The following CSMD3 variants were observed in gnomAD, a reference collection of about 807,000 sequenced individuals.
CSMD3 encodes CUB and Sushi multiple domains 3, also known as CUB and sushi domain-containing protein 3.
In CSMD3, 177 loss-of-function variants were observed where a neutral mutation model predicts 435.2. The ratio of observed to expected loss-of-function variants is 0.41; its 90% CI spans 0.36 to 0.46. CSMD3 has a LOEUF of 0.46. Among genes scored for constraint, CSMD3 ranks in the 20% least tolerant of loss-of-function variants. The pLI is 0.34. For missense variants in CSMD3, 4,265 were observed against 4,504.6 expected, an observed-to-expected ratio of 0.95 and a Z score of 1.52; for synonymous variants, 1,656 against 1,520.5, an observed-to-expected ratio of 1.09 and a Z score of -2.07.
At chr8:112,536,149 A>G (rs1269925909) in intron 27 of CSMD3, among the ~76,000 whole-genome samples, 2 of 152,140 alleles carry the variant, frequency 1.3e-5, no homozygotes, top group African/African-American at 4.8e-5. Context: ...AAGCAATGGC[A>G]ACAAAAGCCA....
intron 9 of CSMD3, among the ~76,000 whole-genome samples, chr8:112,931,149 T>C (rs1049387804): frequency 6.6e-6 from 1 of 151,872 alleles, no homozygotes; most frequent in African/African-American, 2.4e-5. Context: ...CCTTAAATAC[T>C]TCATCATTTT....
At chr8:112,688,624 T>C (rs1236448335) in intron 14 of CSMD3, among the ~76,000 whole-genome samples, 1 of 152,112 alleles carries the variant, frequency 6.6e-6, no homozygotes, top group Non-Finnish European at 1.5e-5. Flanking sequence ...TAATTTTTTG[T>C]ATGAGTTATT....
At chr8:112,547,011 A>G (rs1827242362) in intron 27 of CSMD3, among the ~76,000 whole-genome samples, 1 of 152,116 alleles carries the variant, frequency 6.6e-6, no homozygotes, top group Admixed American at 6.6e-5. Context: ...CTGATTTATT[A>G]TTTTTAATTA....
intron 50 of CSMD3, 84 bp from the exon 51 acceptor site, chr8:112,306,276 G>T: frequency 1.0e-6 from 1 of 974,998 alleles, no homozygotes; most frequent in Non-Finnish European, 1.6e-6. Context: ...TGTAAAACAT[G>T]CAAAACTAAC....
chr8:113,326,750 T>C (rs2093986748), intron 1 of CSMD3, among the ~76,000 whole-genome samples: 1 of 152,194 alleles, frequency 6.6e-6, no homozygotes, highest in African/African-American at 2.4e-5. Flanking sequence ...TTTATTTTCT[T>C]ATTTTCACAC....
intron 1 of CSMD3, among the ~76,000 whole-genome samples, chr8:113,345,431 A>G (rs866428944): frequency 1.6e-4 from 25 of 152,154 alleles, no homozygotes; most frequent in Admixed American, 1.5e-3. Flanking sequence ...ACTTAATATG[A>G]CTGTACATGC....
At chr8:113,317,815 T>C (rs2093921177) in intron 1 of CSMD3, among the ~76,000 whole-genome samples, 1 of 152,172 alleles carries the variant, frequency 6.6e-6, no homozygotes, top group Non-Finnish European at 1.5e-5. Context: ...TCAAGTGATG[T>C]CAGTCATATT....
intron 35 of CSMD3, among the ~76,000 whole-genome samples, chr8:112,405,793 A>G (rs1769907588): frequency 6.6e-6 from 1 of 152,098 alleles, no homozygotes; most frequent in Admixed American, 6.6e-5. Context: ...ATATTTCCAG[A>G]AAAGTCAGCT....
chr8:112,703,060 A>G (rs1401058640), intron 13 of CSMD3, among the ~76,000 whole-genome samples: 2 of 152,142 alleles, frequency 1.3e-5, no homozygotes, highest in African/African-American at 4.8e-5. Flanking sequence ...CTAGCATCCT[A>G]CTGGTACTTG....
intron 4 of CSMD3, among the ~76,000 whole-genome samples, chr8:113,129,365 A>G (rs2091225930): frequency 6.6e-6 from 1 of 152,098 alleles, no homozygotes; most frequent in African/African-American, 2.4e-5. Context: ...AACATGCTCT[A>G]TATTCCTTCA....
intron 1 of CSMD3, among the ~76,000 whole-genome samples, chr8:113,435,602 T>C (rs1341652093): frequency 6.6e-6 from 1 of 151,028 alleles, no homozygotes; most frequent in East Asian, 2.0e-4. Context: ...CAGCACCCCC[T>C]TTCCCGCGAT....
At chr8:112,750,610 C>T (rs752477238) in intron 13 of CSMD3, among the ~76,000 whole-genome samples, 5 of 151,968 alleles carry the variant, frequency 3.3e-5, no homozygotes, top group African/African-American at 4.8e-5. Context: ...AGTATAAACT[C>T]TTACAGCAGG....
At position 112,336,781 on chromosome 8, in the gene CSMD3, G is replaced by T. The variant is rs1025861919; in HGVS notation, c.6890C>A (p.Pro2297His). 2.5e-6 allele frequency: 4 copies of T among 1,613,330 alleles called. No homozygotes were observed. Among genetic ancestry groups the T allele is most frequent in the Non-Finnish European group, 3.4e-6 (4 of 1,179,422 alleles). ...GTTTGGATATTCATCAGGATACCCAGGAGAATAAATGGTGCCATTCATTGC... is the reference window on the plus strand; with the variant it reads ...GTTTGGATATTCATCAGGATACCCATGAGAATAAATGGTGCCATTCATTGC... Reference protein sequence around the residue: ...ITAMNGTIYSPGYPDEYPNFQ... With the variant: ...ITAMNGTIYSHGYPDEYPNFQ... The change falls in exon 44 of 71, where the codon CCT becomes CAT. Residue 2297 changes from proline (P) to histidine (H), a missense_variant. By Grantham distance (77) the Pro-to-His change is moderately conservative (BLOSUM62 -2). This residue lies in a region of CSMD3 where 3,255 missense variants were observed against 3,380.2 expected (regional missense o/e 0.96). Coordinates refer to ENST00000297405, the MANE Select transcript of CSMD3 (RefSeq NM_198123.2).
chr8:112,338,557 T>C (rs59681478), intron 42 of CSMD3, among the ~76,000 whole-genome samples: 6,070 of 152,194 alleles, frequency 0.04, 400 homozygotes, highest in African/African-American at 0.14. Context: ...TTTCTGAAAA[T>C]CAAAGACTAC....
chr8:112,684,021 T>C (rs2131795815), intron 15 of CSMD3, among the ~76,000 whole-genome samples: 1 of 151,988 alleles, frequency 6.6e-6, no homozygotes, highest in Non-Finnish European at 1.5e-5. Flanking sequence ...ATCTCATTAG[T>C]AAGCATTAAA....
At chr8:112,562,826 T>C (rs1351247749) in intron 24 of CSMD3, among the ~76,000 whole-genome samples, 1 of 151,702 alleles carries the variant, frequency 6.6e-6, no homozygotes, top group African/African-American at 2.4e-5. Flanking sequence ...TCAACTTTTA[T>C]ATCAACTTCA....
chr8:112,787,418 A>G (rs531278210), intron 13 of CSMD3, among the ~76,000 whole-genome samples: 96 of 152,200 alleles, frequency 6.3e-4, no homozygotes, highest in Admixed American at 9.8e-4. Flanking sequence ...GTATGGAGGT[A>G]CCTCAAAATA....
intron 3 of CSMD3, among the ~76,000 whole-genome samples, chr8:113,207,917 C>T (rs564634368): frequency 3.3e-5 from 5 of 152,256 alleles, no homozygotes; most frequent in African/African-American, 1.2e-4. Context: ...GACATCATTT[C>T]CCTGTCTGAT....
chr8:113,046,544 A>T (rs781500239), intron 5 of CSMD3, among the ~76,000 whole-genome samples: 2 of 152,176 alleles, frequency 1.3e-5, no homozygotes, highest in South Asian at 4.1e-4. Context: ...GCGCTGCTGG[A>T]TGCAGCGTCG....
Sources: allele counts gnomAD v4.1 joint callset (sites outside exome capture counted in the v4.1 genomes callset), GRCh38; gene constraint gnomAD v4.1.1; regional missense constraint gnomAD v4.1.1; transcripts MANE v1.5; gene names NCBI Gene and HGNC (gene_info 2026-07-23, HGNC 2026-07-21).